The following HS3ST4 variants were observed in gnomAD, a reference collection of about 807,000 sequenced individuals.
HS3ST4 encodes the protein heparan sulfate glucosamine 3-O-sulfotransferase 4.
Under a neutral mutation model 29.2 loss-of-function variants are expected in HS3ST4, and 17 were observed. The observed-to-expected ratio is 0.58, with a 90% CI of 0.40 to 0.87. The LOEUF (loss-of-function observed/expected upper bound fraction) is 0.87. HS3ST4 is among the 40% of genes least tolerant of loss of function. HS3ST4 has a pLI of 0.00. For missense variants in HS3ST4, 627 were observed against 634.5 expected, an observed-to-expected ratio of 0.99 and a Z score of 0.13; for synonymous variants, 314 against 285.7, an observed-to-expected ratio of 1.10 and a Z score of -1.00.
At chr16:26,032,655 G>A (rs1255984990) in intron 1 of HS3ST4, 22 of 1,397,814 alleles carry the variant, frequency 1.6e-5, no homozygotes, top group Non-Finnish European at 2.2e-5. Context: ...TTCCCTTTGG[G>A]TACCTTCTCT....
intron 1 of HS3ST4, among the ~76,000 whole-genome samples, chr16:25,843,980 T>G (rs1967440344): frequency 6.6e-6 from 1 of 152,230 alleles, no homozygotes; most frequent in Non-Finnish European, 1.5e-5. Context: ...GACAATATTT[T>G]GCTCCAGTGT....
chr16:25,888,559 A>G (rs1292740632), intron 1 of HS3ST4, among the ~76,000 whole-genome samples: 2 of 152,218 alleles, frequency 1.3e-5, no homozygotes, highest in Non-Finnish European at 2.9e-5. Flanking sequence ...GGCCACGTGC[A>G]CAAACCAGAA....
chr16:26,086,607 C>T (rs1898792302), intron 1 of HS3ST4, among the ~76,000 whole-genome samples: 1 of 152,170 alleles, frequency 6.6e-6, no homozygotes, highest in African/African-American at 2.4e-5. Context: ...CCTCGGCCTC[C>T]CAAAGTGCTG....
intron 1 of HS3ST4, among the ~76,000 whole-genome samples, chr16:25,981,697 T>C (rs1295734121): frequency 1.3e-5 from 2 of 150,668 alleles, no homozygotes; most frequent in African/African-American, 2.4e-5. Context: ...CCACAAACCT[T>C]TGGACTATAT....
At chr16:25,820,806 A>G (rs913690225) in intron 1 of HS3ST4, among the ~76,000 whole-genome samples, 4 of 152,024 alleles carry the variant, frequency 2.6e-5, no homozygotes, top group African/African-American at 9.6e-5. Context: ...CCTAGGCTCA[A>G]GTGATCTTCC....
chr16:25,939,267 T>A (rs570302246), intron 1 of HS3ST4, among the ~76,000 whole-genome samples: 1 of 151,780 alleles, frequency 6.6e-6, no homozygotes, highest in South Asian at 2.1e-4. Context: ...GACATTGATT[T>A]TATGGGTACT....
chr16:25,697,486 G>A (rs2141578930), intron 1 of HS3ST4, among the ~76,000 whole-genome samples: 1 of 152,306 alleles, frequency 6.6e-6, no homozygotes, highest in Non-Finnish European at 1.5e-5. Context: ...CTCATATCAA[G>A]TAAAACGTCT....
intron 1 of HS3ST4, among the ~76,000 whole-genome samples, chr16:25,910,325 A>T (rs1350437362): frequency 6.6e-6 from 1 of 152,292 alleles, no homozygotes; most frequent in East Asian, 1.9e-4. Context: ...AGAGTCCATG[A>T]AACATTGGAG....
At chr16:26,087,641 G>A (rs1898805988) in intron 1 of HS3ST4, among the ~76,000 whole-genome samples, 1 of 152,076 alleles carries the variant, frequency 6.6e-6, no homozygotes. Context: ...ATAAGGCTGA[G>A]TATCCCTTAT....
At chr16:26,014,603 T>C (rs1969344757) in intron 1 of HS3ST4, among the ~76,000 whole-genome samples, 2 of 152,238 alleles carry the variant, frequency 1.3e-5, no homozygotes. Flanking sequence ...TATTTCATTT[T>C]CTGCTCCTAC....
intron 1 of HS3ST4, among the ~76,000 whole-genome samples, chr16:26,007,914 C>CTT (rs370947868): frequency 0.029 from 4,237 of 144,958 alleles, 220 homozygotes; most frequent in African/African-American, 0.1. Context: ...CACATGGCCA[C>CTT]TTTTTTTTTT....
At chr16:25,762,729 C>A (rs988684803) in intron 1 of HS3ST4, among the ~76,000 whole-genome samples, 5 of 151,028 alleles carry the variant, frequency 3.3e-5, no homozygotes, top group African/African-American at 9.7e-5. Flanking sequence ...AACAAACAAA[C>A]AAAAAAACCA....
At chr16:25,971,038 A>G (rs772544926) in intron 1 of HS3ST4, among the ~76,000 whole-genome samples, 3 of 151,364 alleles carry the variant, frequency 2.0e-5, no homozygotes, top group Admixed American at 6.6e-5. Context: ...TTTAGTAGAG[A>G]CGGGGTTTCA....
chr16:26,110,451 C>T (rs1252643143), intron 1 of HS3ST4, among the ~76,000 whole-genome samples: 1 of 152,174 alleles, frequency 6.6e-6, no homozygotes, highest in Non-Finnish European at 1.5e-5. Context: ...CTTCTCCTCC[C>T]AATGTCTTCC....
At chr16:25,885,443 C>T (rs1967939181) in intron 1 of HS3ST4, among the ~76,000 whole-genome samples, 1 of 152,170 alleles carries the variant, frequency 6.6e-6, no homozygotes, top group Admixed American at 6.5e-5. Context: ...CAGCTTCAGC[C>T]AGTTTGTCGA....
chr16:26,062,828 G>A, intron 1 of HS3ST4: 2 of 294,330 alleles, frequency 6.8e-6, no homozygotes, highest in Non-Finnish European at 1.3e-5. Context: ...TTTGGTGCCT[G>A]CATATTCTGG....
At chr16:26,100,185 G>C (rs1229372550) in intron 1 of HS3ST4, among the ~76,000 whole-genome samples, 1 of 152,058 alleles carries the variant, frequency 6.6e-6, no homozygotes, top group Non-Finnish European at 1.5e-5. Flanking sequence ...CCTATCGAGG[G>C]TACTATGCTC....
Position 26,095,465 on chromosome 16 carries a change from C to T in HS3ST4, c.735-40147C>T, listed in dbSNP as rs1426577824. ...TTAGAACTCAGGATTAAGAAACTCA[C>T]TCAAAATCGCACAACTACATGGAAA... On this transcript the variant is annotated intron_variant, in intron 1 of 1. Transcript: ENST00000331351. Among the ~76,000 whole-genome samples the T allele has an allele frequency of 3.3e-5, 5 of 152,326 alleles. No homozygotes were observed. The East Asian group carries it at 7.7e-4, about 23-fold the overall frequency.
intron 1 of HS3ST4, among the ~76,000 whole-genome samples, chr16:26,096,400 T>C (rs2141793511): frequency 6.6e-6 from 1 of 152,212 alleles, no homozygotes; most frequent in South Asian, 2.1e-4. Context: ...CCCACCACGA[T>C]CAGGTTGGGT....
Sources: gnomAD v4.1 joint callset for allele counts (sites outside exome capture counted in the v4.1 genomes callset) on GRCh38, gnomAD v4.1.1 for gene constraint, MANE v1.5 for transcripts, NCBI Gene and HGNC (gene_info 2026-07-23, HGNC 2026-07-21) for gene names.